The following TMEM144 variants were observed in gnomAD, a reference collection of about 807,000 sequenced individuals.
The protein encoded by TMEM144 is transmembrane protein 144.
Under a neutral mutation model 43.6 loss-of-function variants are expected in TMEM144, and 39 were observed. That is an observed-to-expected ratio of 0.90 (90% CI 0.69 to 1.17). TMEM144 has a LOEUF of 1.17. Ranked by LOEUF, TMEM144 falls within the 50% of genes most tolerant of loss-of-function variation. The pLI, the probability that TMEM144 is intolerant of heterozygous loss-of-function variation, is 0.00. For synonymous variants in TMEM144, 154 were observed against 133.6 expected (o/e 1.15, Z -1.06); for missense variants, 417 against 411.9 (o/e 1.01, Z -0.11).
In TMEM144 at chr4:158,253,335, A is replaced by G. The variant is rs915048876; in HGVS notation, c.955-109A>G. ...CTTGGAAGGGGTAGCAAAAAAGGGT[A>G]CAGGCGGCTAGAGCAGATGGTTAGG... On this transcript the variant is annotated intron_variant, in intron 12 of 12. Transcript: ENST00000296529. 2.0e-5 allele frequency: 17 copies of G among 852,868 alleles called. No homozygotes were observed. The African/African-American group carries it at 2.2e-4, about 11-fold the overall frequency. 52.8% of individuals were successfully genotyped at this position (852,868 alleles called of 1,614,324 possible). A position where few individuals can be genotyped will look rare whatever the true frequency, so the allele number is the denominator to read the frequency against.
chr4:158,218,865 G>A (rs1490714784), intron 5 of TMEM144, among the ~76,000 whole-genome samples: 2 of 152,062 alleles, frequency 1.3e-5, no homozygotes, highest in African/African-American at 4.8e-5. Context: ...GTTGGCTAAC[G>A]CCTATAATCT....
chr4:158,215,365 A>C, intron 4 of TMEM144, 52 bp downstream of exon 4: 1 of 1,588,392 alleles, frequency 6.3e-7, no homozygotes, highest in Non-Finnish European at 8.6e-7. Flanking sequence ...TGATAAAAAT[A>C]ATTCTCGTTC....
chr4:158,215,042 G>C, intron 3 of TMEM144, 149 bp from the exon 4 acceptor site: 1 of 888,356 alleles, frequency 1.1e-6, no homozygotes, highest in Non-Finnish European at 1.7e-6. Flanking sequence ...ATGTTGCAGA[G>C]TAGTCATAAG....
At position 158,248,367 on chromosome 4, in the gene TMEM144, G is replaced by A. The variant is rs542902149; in HGVS notation, c.954+4018G>A. Among the ~76,000 whole-genome samples, 5 of 152,264 alleles carry A rather than the reference G, an allele frequency of 3.3e-5. No homozygotes were observed. In the South Asian group the frequency reaches 1.0e-3, roughly 32 times the overall value. On this transcript the variant is annotated intron_variant, in intron 12 of 12. Transcript: ENST00000296529. ...AGATGGCTTGAACCTGGAAAGTGGA[G>A]ATTGCAGTGAGCCAAGATTGCACTC...
At position 158,229,407 on chromosome 4, in the gene TMEM144, C is replaced by T. The variant is rs546305218; in HGVS notation, c.414-3494C>T. On this transcript the variant is annotated intron_variant, in intron 6 of 12. Transcript: ENST00000296529. ...ATCTCGGACCCCAAGAGGCACCAAC[C>T]TGATGCCAGTAGGATCATTCCTGTA... Among the ~76,000 whole-genome samples, 6 of 152,276 alleles carry T rather than the reference C, an allele frequency of 3.9e-5. No individual in the cohort carries two copies. The South Asian group carries it at 1.0e-3, about 26-fold the overall frequency.
chr4:158,253,519 A>G lies in TMEM144; in HGVS notation c.1030A>G (p.Lys344Glu), dbSNP rs1007853877. 1 of 1,613,418 alleles carries G rather than the reference A, an allele frequency of 6.2e-7. No individual in the cohort carries two copies. Among genetic ancestry groups the G allele is most frequent in the Non-Finnish European group, 8.5e-7 (1 of 1,179,572 alleles). ...TGGAGCCTTATGCACTGCTTTTTCTAAAATCTAACAATGACAAAACCAGCA... is the reference window on the plus strand; with the variant it reads ...TGGAGCCTTATGCACTGCTTTTTCTGAAATCTAACAATGACAAAACCAGCA... ...LTGALCTAFS[K>E]I Residue 344 changes from lysine (K) to glutamate (E), a missense_variant, in exon 13 of 13, where the codon AAA (lysine) becomes GAA (glutamate). Lys to Glu is a moderately conservative substitution (Grantham distance 56, BLOSUM62 1). Transcript: ENST00000296529.
intron 12 of TMEM144, among the ~76,000 whole-genome samples, chr4:158,249,588 A>T (rs1041667238): frequency 1.1e-4 from 16 of 152,286 alleles, no homozygotes; most frequent in African/African-American, 3.1e-4. Flanking sequence ...GGGGAAAAAA[A>T]TTTTTCATTC....
chr4:158,255,227 T>A lies in TMEM144; in HGVS notation c.*1700T>A, dbSNP rs1029691618. On this transcript the variant is annotated 3_prime_UTR_variant, in exon 13 of 13. Transcript: ENST00000296529. ...TAACTTCTTATACTCATTTTAATTT[T>A]AACCTGAAATGTCATTAAATTATGC... The A allele has an allele frequency of 5.9e-5, 9 of 152,196 alleles. No individual in the cohort carries two copies. Among genetic ancestry groups the A allele is most frequent in the African/African-American group, 2.2e-4 (9 of 41,552 alleles). The allele number at this position is 152,196 out of a possible 1,614,324, so 9.4% of individuals were successfully genotyped here. A position where few individuals can be genotyped will look rare whatever the true frequency, so the allele number is the denominator to read the frequency against.
intron 8 of TMEM144, among the ~76,000 whole-genome samples, chr4:158,236,395 C>T (rs1418897594): frequency 6.6e-5 from 10 of 151,936 alleles, no homozygotes; most frequent in Admixed American, 6.6e-4. Context: ...ACAAAGCCTC[C>T]CCTTCATTAA....
chr4:158,225,561 G>GGCT (rs1734723376), intron 6 of TMEM144, among the ~76,000 whole-genome samples: 1 of 152,112 alleles, frequency 6.6e-6, no homozygotes, highest in South Asian at 2.1e-4. Context: ...ACCTATAAGG[G>GGCT]GCTTCTCTCA....
At chr4:158,235,591 G>T in intron 8 of TMEM144, 86 bp downstream of exon 8, 1 of 1,341,408 alleles carries the variant, frequency 7.5e-7, no homozygotes, top group South Asian at 1.7e-5. Flanking sequence ...ATGTTCATCT[G>T]AGTTCAAGAA....
intron 12 of TMEM144, among the ~76,000 whole-genome samples, chr4:158,247,264 T>C (rs1296125103): frequency 6.6e-6 from 1 of 152,040 alleles, no homozygotes; most frequent in Non-Finnish European, 1.5e-5. Context: ...ATTATATACC[T>C]GAGTTTCATG....
intron 7 of TMEM144, 56 bp from the exon 8 acceptor site, chr4:158,235,382 G>A: frequency 6.4e-7 from 1 of 1,566,688 alleles, no homozygotes; most frequent in Non-Finnish European, 8.8e-7. Flanking sequence ...ATTGTCACCA[G>A]TGTGATTATC....
At position 158,223,794 on chromosome 4, in the gene TMEM144, T is replaced by C. The variant is rs189814164; in HGVS notation, c.413+4404T>C. Among the ~76,000 whole-genome samples, 67 of 152,370 alleles carry C rather than the reference T, an allele frequency of 4.4e-4. No individual in the cohort carries two copies. The East Asian group carries it at 0.012, about 27-fold the overall frequency. On this transcript the variant is annotated intron_variant, in intron 6 of 12. Coordinates refer to ENST00000296529, the MANE Select transcript of TMEM144 (RefSeq NM_018342.5). ...TCCATGGTGTATATGTACCACACTT[T>C]CTTTATCCAGTCTATCATTGATGGG...
At chr4:158,213,327 C>G (rs1354908118) in intron 3 of TMEM144, 1 of 152,906 alleles carries the variant, frequency 6.5e-6, no homozygotes, top group Non-Finnish European at 1.5e-5. Flanking sequence ...TGTCCCAACT[C>G]CTCACCCAAT....
intron 12 of TMEM144, among the ~76,000 whole-genome samples, chr4:158,244,893 A>G (rs1735809921): frequency 6.6e-6 from 1 of 152,198 alleles, no homozygotes; most frequent in African/African-American, 2.4e-5. Context: ...CCCATCTCCA[A>G]TGGAAAAATG....
intron 6 of TMEM144, among the ~76,000 whole-genome samples, chr4:158,231,413 C>G (rs74616579): frequency 2.6e-5 from 4 of 152,156 alleles, no homozygotes; most frequent in Admixed American, 6.5e-5. Context: ...GTACTCAGCA[C>G]GCCGAAGTGC....
intron 12 of TMEM144, among the ~76,000 whole-genome samples, chr4:158,247,240 A>C (rs936233755): frequency 2.0e-5 from 3 of 152,010 alleles, no homozygotes; most frequent in African/African-American, 7.2e-5. Context: ...TATGTCTATC[A>C]AAACAAAATA....
intron 6 of TMEM144, among the ~76,000 whole-genome samples, chr4:158,227,797 T>C (rs1171408665): frequency 6.6e-6 from 1 of 152,206 alleles, no homozygotes; most frequent in Non-Finnish European, 1.5e-5. Context: ...CAGGCTTCTT[T>C]CTGATGGCCA....
Sources: gnomAD v4.1 joint callset for allele counts (sites outside exome capture counted in the v4.1 genomes callset) on GRCh38, gnomAD v4.1.1 for gene constraint, MANE v1.5 for transcripts, NCBI Gene and HGNC (gene_info 2026-07-23, HGNC 2026-07-21) for gene names.